Variants in TRMT11 observed in about 807,000 individuals in gnomAD.
TRMT11 encodes tRNA (guanine(10)-N(2))-methyltransferase TRMT11.
TRMT11 carries 53 observed loss-of-function variants against 62.8 expected under a neutral mutation model. The ratio of observed to expected loss-of-function variants is 0.84; its 90% CI spans 0.68 to 1.06. The LOEUF (loss-of-function observed/expected upper bound fraction) is 1.06. TRMT11 is among the 50% of genes least tolerant of loss of function. TRMT11 has a pLI of 0.00. For missense variants in TRMT11, 556 were observed against 553.4 expected (o/e 1.00, Z -0.05); for synonymous variants, 188 against 190.3 (o/e 0.99, Z 0.10).
chr6:126,206,832 T>C (rs1164737499), downstream of TRMT11, among the ~76,000 whole-genome samples: 2 of 152,154 alleles, frequency 1.3e-5, no homozygotes, highest in African/African-American at 4.8e-5. Flanking sequence ...TTAAACTGTT[T>C]TGCTTTGGAA....
intron 17 of TRMT11, among the ~76,000 whole-genome samples, chr6:126,075,726 T>C (rs2128147542): frequency 6.6e-6 from 1 of 152,270 alleles, no homozygotes; most frequent in South Asian, 2.1e-4. Flanking sequence ...TGAAGGTAAT[T>C]ACCTCTAGCT....
chr6:126,125,930 A>G (rs144689337), intron 21 of TRMT11, among the ~76,000 whole-genome samples: 2 of 152,236 alleles, frequency 1.3e-5, no homozygotes, highest in African/African-American at 4.8e-5. Context: ...ACATGCATGC[A>G]CATTCTGATT....
the TRMT11 span, among the ~76,000 whole-genome samples, chr6:126,234,863 A>G: frequency 6.6e-6 from 1 of 152,296 alleles, no homozygotes; most frequent in East Asian, 1.9e-4. Flanking sequence ...GATAAACACA[A>G]TGCATCTTTC....
At chr6:126,011,819 C>T (rs1445143118) in intron 9 of TRMT11, among the ~76,000 whole-genome samples, 2 of 152,174 alleles carry the variant, frequency 1.3e-5, no homozygotes, top group Non-Finnish European at 2.9e-5. Context: ...TCAGATATCA[C>T]ACATTTCTCT....
At chr6:126,006,879 C>G (rs1474147450) in intron 7 of TRMT11, 1 of 151,984 alleles carries the variant, frequency 6.6e-6, no homozygotes, top group Non-Finnish European at 1.5e-5. Flanking sequence ...AAAACTCACT[C>G]TAACCAAATG....
chr6:126,144,527 T>TA (rs1777953857), intron 21 of TRMT11, among the ~76,000 whole-genome samples: 1 of 152,152 alleles, frequency 6.6e-6, no homozygotes, highest in African/African-American at 2.4e-5. Context: ...GTGCCACTGT[T>TA]ATGACTAAAA....
chr6:126,189,772 A>C (rs1778573802), intron 1 of TRMT11, among the ~76,000 whole-genome samples: 4 of 152,182 alleles, frequency 2.6e-5, no homozygotes, highest in Admixed American at 2.6e-4. Flanking sequence ...AAGTGTAAAT[A>C]TAGTACTTTA....
intron 6 of TRMT11, 142 bp from the exon 7 acceptor site, chr6:125,999,315 A>T: frequency 1.9e-6 from 1 of 525,686 alleles, no homozygotes; most frequent in Non-Finnish European, 3.2e-6. Flanking sequence ...TACCTCAATT[A>T]CATTATTTTA....
intron 6 of TRMT11, 38 bp from the exon 7 acceptor site, chr6:125,999,419 G>C (rs755572790): frequency 1.3e-6 from 2 of 1,526,380 alleles, no homozygotes; most frequent in Non-Finnish European, 8.8e-7. Flanking sequence ...AGTCTATTCT[G>C]TATGGCTATA....
chr6:126,042,259 C>G (rs1366214203), downstream of TRMT11, among the ~76,000 whole-genome samples: 1 of 152,150 alleles, frequency 6.6e-6, no homozygotes, highest in Non-Finnish European at 1.5e-5. Context: ...TGACCCCTTT[C>G]CCTTAAAAGA....
chr6:126,108,375 T>G (rs1486073180), intron 17 of TRMT11, among the ~76,000 whole-genome samples: 2 of 152,370 alleles, frequency 1.3e-5, no homozygotes, highest in East Asian at 1.9e-4. Context: ...GCCAACTTAT[T>G]TATGAAGTTC....
intron 17 of TRMT11, among the ~76,000 whole-genome samples, chr6:126,065,733 C>T (rs1377126261): frequency 6.6e-6 from 1 of 152,100 alleles, no homozygotes; most frequent in Non-Finnish European, 1.5e-5. Context: ...TAGATAATAA[C>T]AGAAATTATA....
intron 1 of TRMT11, among the ~76,000 whole-genome samples, chr6:126,194,798 C>G (rs924194009): frequency 1.3e-5 from 2 of 152,036 alleles, no homozygotes; most frequent in Non-Finnish European, 2.9e-5. Context: ...AGCATTGGTC[C>G]TAATTTACCT....
At chr6:126,103,542 A>T (rs1035801194) in intron 17 of TRMT11, among the ~76,000 whole-genome samples, 2 of 152,182 alleles carry the variant, frequency 1.3e-5, no homozygotes, top group African/African-American at 4.8e-5. Flanking sequence ...CTCAGTTCTC[A>T]TCTGGAGGCT....
rs80274833 is a variant in TRMT11 at position 126,131,938 on chromosome 6, A to G, written c.*1823+16083A>G. Among the ~76,000 whole-genome samples the G allele has an allele frequency of 8.5e-5, 13 of 152,148 alleles. 1 individual carries two copies. In the East Asian group the frequency reaches 2.1e-3, roughly 25 times the overall value. On this transcript the variant is annotated intron_variant and NMD_transcript_variant, in intron 21 of 22. Transcript: ENST00000648977. ...GTTGCTTGGATGAGGATGCATACTAATTAGGGCAACTTAATGGCATAATGA... is the reference window on the plus strand; with the variant it reads ...GTTGCTTGGATGAGGATGCATACTAGTTAGGGCAACTTAATGGCATAATGA...
chr6:126,096,217 G>C (rs1195642915), intron 17 of TRMT11, among the ~76,000 whole-genome samples: 2 of 152,192 alleles, frequency 1.3e-5, no homozygotes, highest in Admixed American at 1.3e-4. Flanking sequence ...TGGATCCATA[G>C]AATTCCTGGT....
At chr6:126,046,498 G>T (rs534098942) in intron 16 of TRMT11, among the ~76,000 whole-genome samples, 1 of 152,180 alleles carries the variant, frequency 6.6e-6, no homozygotes, top group East Asian at 1.9e-4. Flanking sequence ...ATGTTCCCTT[G>T]TTTCTCCCTC....
Position 126,123,755 on chromosome 6 carries a change from T to A in TRMT11, c.*1823+7900T>A, listed in dbSNP as rs549874785. 3.9e-5 allele frequency among the ~76,000 whole-genome samples: 6 copies of A among 152,242 alleles called. No individual in the cohort carries two copies. The East Asian group carries it at 1.2e-3, about 29-fold the overall frequency. On this transcript the variant is annotated intron_variant and NMD_transcript_variant, in intron 21 of 22. Coordinates refer to the TRMT11 transcript ENST00000648977. ...GGTTATCTGGTCTATATTTTATGGC[T>A]AAGTCATTTTAACATTTCAGGGACT... is the stretch of plus-strand genomic sequence containing the variant.
the TRMT11 span, among the ~76,000 whole-genome samples, chr6:126,247,577 T>A: frequency 0.17 from 24,996 of 146,760 alleles, 3,302 homozygotes; most frequent in East Asian, 0.52. Flanking sequence ...TATATATATA[T>A]AATAGTCATT....
Sources: gnomAD v4.1 joint callset for allele counts (sites outside exome capture counted in the v4.1 genomes callset) on GRCh38, gnomAD v4.1.1 for gene constraint, MANE v1.5 for transcripts, NCBI Gene and HGNC (gene_info 2026-07-23, HGNC 2026-07-21) for gene names.